Variants in NAA11 observed in about 807,000 individuals in gnomAD.
NAA11 encodes N-alpha-acetyltransferase 11, NatA catalytic subunit, also known as N-alpha-acetyltransferase 11.
In NAA11, 15 loss-of-function variants were observed where a neutral mutation model predicts 16.1. That is an observed-to-expected ratio of 0.93 (90% confidence interval 0.62 to 1.44). The LOEUF (loss-of-function observed/expected upper bound fraction) is 1.44, where lower values mean the gene tolerates loss of function less well. Ranked by LOEUF, NAA11 falls within the 40% of genes most tolerant of loss-of-function variation. The pLI, the probability that NAA11 is intolerant of heterozygous loss-of-function variation, is 0.00. For missense variants in NAA11, 298 were observed against 291.3 expected (o/e 1.02, Z -0.17); for synonymous variants, 122 against 112.4 (o/e 1.09, Z -0.54).
intron 2 of NAA11, among the ~76,000 whole-genome samples, chr4:79,257,161 G>A (rs1448769952): frequency 6.6e-6 from 1 of 151,820 alleles, no homozygotes; most frequent in Non-Finnish European, 1.5e-5. Context: ...TCCCCTATGT[G>A]TTCCAGTTGT....
At chr4:79,172,911 A>G in the NAA11 span, among the ~76,000 whole-genome samples, 1 of 152,276 alleles carries the variant, frequency 6.6e-6, no homozygotes, top group African/African-American at 2.4e-5. Context: ...AAGACTGCAG[A>G]GGCACAGAGA....
intron 2 of NAA11, among the ~76,000 whole-genome samples, chr4:79,238,771 A>G (rs1274371429): frequency 1.3e-5 from 2 of 152,214 alleles, no homozygotes; most frequent in African/African-American, 4.8e-5. Flanking sequence ...GATCATCTCT[A>G]GAATCTCTGT....
the NAA11 span, among the ~76,000 whole-genome samples, chr4:79,217,391 T>C: frequency 8.5e-4 from 130 of 152,282 alleles, no homozygotes; most frequent in African/African-American, 3.0e-3. Context: ...GGTGGTAATA[T>C]TGGTGACTAT....
At chr4:79,222,454 A>C (rs1721213140), downstream of NAA11, among the ~76,000 whole-genome samples, 1 of 151,144 alleles carries the variant, frequency 6.6e-6, no homozygotes, top group Non-Finnish European at 1.5e-5. Flanking sequence ...TAGAAAGCTG[A>C]AACTGGATCC....
In NAA11 at chr4:79,326,055, C is replaced by A; in HGVS notation, c.-178G>T. 1.6e-6 allele frequency: 1 copy of A among 609,406 alleles called. No homozygotes were observed. Among genetic ancestry groups the A allele is most frequent in the South Asian group, 2.2e-5 (1 of 45,704 alleles). The allele number at this position is 609,406 out of a possible 1,614,324, so 37.7% of individuals were successfully genotyped here. On this transcript the variant is annotated 5_prime_UTR_variant, in exon 1 of 2. Coordinates refer to ENST00000286794, the MANE Select transcript of NAA11 (RefSeq NM_032693.3). The stretch of plus-strand genomic sequence containing the variant: ...GGAGCAGGAGATGGAAAAGATGGTG[C>A]CAAACTGCGGCTTTCAGAAGTGCGT...
chr4:79,273,108 C>T (rs1377370377), intron 2 of NAA11, among the ~76,000 whole-genome samples: 6 of 151,746 alleles, frequency 4.0e-5, no homozygotes, highest in Admixed American at 4.0e-4. Flanking sequence ...AAGATTGTGG[C>T]ATATCTTGCT....
At chr4:79,217,924 A>G in the NAA11 span, among the ~76,000 whole-genome samples, 1 of 152,150 alleles carries the variant, frequency 6.6e-6, no homozygotes, top group Non-Finnish European at 1.5e-5. Flanking sequence ...AGGAAGGAAG[A>G]AATAATACAT....
At chr4:79,297,625 T>G (rs1723260965) in intron 1 of NAA11, among the ~76,000 whole-genome samples, 1 of 152,210 alleles carries the variant, frequency 6.6e-6, no homozygotes, top group African/African-American at 2.4e-5. Flanking sequence ...CATCCAGGTG[T>G]GCACTCACTC....
intron 2 of NAA11, among the ~76,000 whole-genome samples, chr4:79,229,284 TC>T: frequency 6.6e-6 from 1 of 152,056 alleles, no homozygotes; most frequent in East Asian, 1.9e-4. Flanking sequence ...ATGTGAATAT[TC>T]AGTTTTTCCA....
the NAA11 span, among the ~76,000 whole-genome samples, chr4:79,204,034 C>T: frequency 6.6e-6 from 1 of 151,792 alleles, no homozygotes; most frequent in Non-Finnish European, 1.5e-5. Context: ...AAGAAACTTG[C>T]AGTCTCAAGC....
At chr4:79,239,126 G>A (rs1019345342) in intron 2 of NAA11, among the ~76,000 whole-genome samples, 2 of 152,178 alleles carry the variant, frequency 1.3e-5, no homozygotes, top group Admixed American at 6.5e-5. Flanking sequence ...TCCATTGAGC[G>A]AGTTGGCAAG....
intron 2 of NAA11, among the ~76,000 whole-genome samples, chr4:79,266,802 T>C (rs1722354928): frequency 6.6e-6 from 1 of 152,200 alleles, no homozygotes; most frequent in South Asian, 2.1e-4. Context: ...TGAGTCATCA[T>C]TGCATTTGGG....
intron 2 of NAA11, among the ~76,000 whole-genome samples, chr4:79,280,531 TTTG>T (rs1722762730): frequency 1.3e-5 from 2 of 152,040 alleles, no homozygotes; most frequent in African/African-American, 4.8e-5. Context: ...TGGTTTTTTG[TTTG>T]TTTTGTTTTG....
At chr4:79,192,792 G>A in the NAA11 span, among the ~76,000 whole-genome samples, 1 of 149,512 alleles carries the variant, frequency 6.7e-6, no homozygotes, top group East Asian at 2.0e-4. Flanking sequence ...AGATCCCTGA[G>A]GAATCGCCAC....
At chr4:79,283,735 A>G (rs936149076) in intron 2 of NAA11, among the ~76,000 whole-genome samples, 1 of 152,172 alleles carries the variant, frequency 6.6e-6, no homozygotes, top group African/African-American at 2.4e-5. Flanking sequence ...AAATCTATGC[A>G]TATCATTCAA....
intron 2 of NAA11, among the ~76,000 whole-genome samples, chr4:79,286,108 A>G (rs1722901543): frequency 6.6e-6 from 1 of 152,088 alleles, no homozygotes; most frequent in Admixed American, 6.5e-5. Flanking sequence ...TACTGTCTGT[A>G]TTCTAAGCAG....
intron 1 of NAA11, among the ~76,000 whole-genome samples, chr4:79,322,508 T>TATAC (rs1724127654): frequency 6.6e-6 from 1 of 151,128 alleles, no homozygotes; most frequent in Admixed American, 6.6e-5. Flanking sequence ...TGTGTGTGTA[T>TATAC]ATATATATAT....
intron 2 of NAA11, among the ~76,000 whole-genome samples, chr4:79,281,254 G>T (rs1722778772): frequency 6.6e-6 from 1 of 150,928 alleles, no homozygotes; most frequent in South Asian, 2.1e-4. Flanking sequence ...TCCCTCTATA[G>T]TATGGCTATG....
the NAA11 span, among the ~76,000 whole-genome samples, chr4:79,177,722 G>C: frequency 6.6e-6 from 1 of 152,060 alleles, no homozygotes; most frequent in Admixed American, 6.6e-5. Context: ...AATTTAAACT[G>C]TATCTTACTG....
Sources: allele counts gnomAD v4.1 joint callset (sites outside exome capture counted in the v4.1 genomes callset), GRCh38; gene constraint gnomAD v4.1.1; transcripts MANE v1.5; gene names NCBI Gene and HGNC (gene_info 2026-07-23, HGNC 2026-07-21).